Variants in TLE4 observed in about 807,000 individuals in gnomAD.
TLE4 encodes TLE family member 4, transcriptional corepressor, also known as transducin-like enhancer protein 4.
In TLE4, 8 loss-of-function variants were observed where a neutral mutation model predicts 92.8. That is an observed-to-expected ratio of 0.09 (90% CI 0.05 to 0.16). TLE4 has a LOEUF of 0.16. Ranked by LOEUF, TLE4 falls within the 10% of genes least tolerant of loss-of-function variation. The probability of loss-of-function intolerance (pLI) is 1.00; values close to 1 mark genes in which losing one functional copy is unlikely to be tolerated. For missense variants in TLE4, 675 were observed against 997.6 expected (o/e 0.68, Z 4.36); for synonymous variants, 371 against 374.1 (o/e 0.99, Z 0.10).
intron 4 of TLE4, among the ~76,000 whole-genome samples, chr9:79,593,977 T>C (rs549886893): frequency 6.6e-6 from 1 of 152,212 alleles, no homozygotes; most frequent in Non-Finnish European, 1.5e-5. Context: ...GTAAATTATT[T>C]AACTTTTCTG....
At chr9:79,589,097 A>G (rs2041920497) in intron 4 of TLE4, among the ~76,000 whole-genome samples, 1 of 152,180 alleles carries the variant, frequency 6.6e-6, no homozygotes, top group African/African-American at 2.4e-5. Context: ...TACAACAAAG[A>G]CTTAGCTGGC....
intron 10 of TLE4, 66 bp from the exon 11 acceptor site, chr9:79,706,681 C>T: frequency 6.5e-7 from 1 of 1,545,796 alleles, no homozygotes; most frequent in East Asian, 2.3e-5. Flanking sequence ...GAAATGTCCA[C>T]ACCCAACAAC....
chr9:79,608,686 T>A (rs2132932130), intron 4 of TLE4, among the ~76,000 whole-genome samples: 1 of 152,186 alleles, frequency 6.6e-6, no homozygotes, highest in Non-Finnish European at 1.5e-5. Context: ...AATGGTTTCC[T>A]AATAACGCTT....
rs2076314474 is a variant in TLE4, at chr9:79,725,657, GTGT to G, written c.*518_*520del. 9.6e-6 allele frequency: 1 copy of G among 104,054 alleles called. No individual in the cohort carries two copies. The highest frequency in any genetic ancestry group is 4.0e-4 in the South Asian group (1 of 2,494). The allele number at this position is 104,054 out of a possible 1,614,324, so 6.4% of individuals were successfully genotyped here. ...TTACACATGGAAGCAATATGTTGCT[GTGT>G]TGTTATTAGGTTTTTTTTGTTTTTG... On this transcript the variant is annotated 3_prime_UTR_variant, in exon 20 of 20. Coordinates refer to ENST00000376552, the MANE Select transcript of TLE4 (RefSeq NM_007005.6).
intron 7 of TLE4, 84 bp downstream of exon 7, chr9:79,652,878 T>C: frequency 7.1e-7 from 1 of 1,416,186 alleles, no homozygotes; most frequent in South Asian, 1.2e-5. Context: ...TTATTCTCTC[T>C]GAATTTAGTT....
At position 79,606,187 on chromosome 9, in the gene TLE4, G is replaced by GTTTTTTTTTTTTTTTT. The variant is rs71364420; in HGVS notation, c.253-6446_253-6431dup. 2.0e-3 allele frequency among the ~76,000 whole-genome samples: 57 copies of GTTTTTTTTTTTTTTTT among 28,710 alleles called. 23 individuals are homozygous for GTTTTTTTTTTTTTTTT. The highest frequency in any genetic ancestry group is 2.6e-3 in the Non-Finnish European group (40 of 15,502). 18.8% of individuals were successfully genotyped at this position (28,710 alleles called of 152,430 possible). ...ATTGCTTTATTAAGCAGTAGTAGTT[G>GTTTTTTTTTTTTTTTT]TTTTTTTTTTTTTTTTTTTTTTTTT... On this transcript the variant is annotated intron_variant, in intron 4 of 19. Transcript: ENST00000376552.
rs2037238314 is a variant in TLE4 at position 79,574,930 on chromosome 9, T to C, written c.201T>C (p.Tyr67=). Residue 67 remains tyrosine, a synonymous_variant, in exon 3 of 20, where the codon TAT becomes TAC. Coordinates refer to ENST00000376552, the MANE Select transcript of TLE4 (RefSeq NM_007005.6). ...ASEKTEMQRH[Y]VMYYEMSYGL... Reference sequence around the variant, plus strand: ...AGAAGACAGAGATGCAGCGGCATTATGTCATGGTAAGAAAACCATGTCACA... The same window carrying C: ...AGAAGACAGAGATGCAGCGGCATTACGTCATGGTAAGAAAACCATGTCACA... The C allele has an allele frequency of 7.4e-6, 12 of 1,613,472 alleles. No individual in the cohort carries two copies. The highest frequency in any genetic ancestry group is 2.2e-5 in the East Asian group (1 of 44,848).
intron 5 of TLE4, among the ~76,000 whole-genome samples, chr9:79,625,574 T>G (rs553036937): frequency 6.6e-5 from 10 of 152,138 alleles, no homozygotes; most frequent in African/African-American, 2.4e-4. Flanking sequence ...CTTTTTTTTT[T>G]GTTTTCCAAG....
chr9:79,590,516 C>G lies in TLE4; in HGVS notation c.252+14339C>G, dbSNP rs1016878054. Among the ~76,000 whole-genome samples the G allele has an allele frequency of 4.9e-4, 74 of 152,144 alleles. 1 individual carries two copies. The highest frequency in any genetic ancestry group is 1.7e-3 in the African/African-American group (70 of 41,402). On this transcript the variant is annotated intron_variant, in intron 4 of 19. Coordinates refer to ENST00000376552, the MANE Select transcript of TLE4 (RefSeq NM_007005.6). Reference sequence around the variant, plus strand: ...TGCGGCAGGCAAAGTACATTATGTACAAAAACCTTCCTTTTGTAATATGGG... The same window carrying G: ...TGCGGCAGGCAAAGTACATTATGTAGAAAAACCTTCCTTTTGTAATATGGG...
intron 8 of TLE4, among the ~76,000 whole-genome samples, chr9:79,666,305 G>A (rs1020655017): frequency 2.0e-5 from 3 of 147,544 alleles, no homozygotes; most frequent in Non-Finnish European, 3.0e-5. Context: ...TCGGCTCACT[G>A]CAATCTCTGT....
At chr9:79,666,518 CGTGAG>C (rs1261284906) in intron 8 of TLE4, among the ~76,000 whole-genome samples, 1 of 152,152 alleles carries the variant, frequency 6.6e-6, no homozygotes, top group African/African-American at 2.4e-5. Context: ...GGATTACAGG[CGTGAG>C]CCATCACGCC....
chr9:79,573,867 C>T (rs1048861827), intron 2 of TLE4, 81 bp downstream of exon 2: 1 of 1,053,314 alleles, frequency 9.5e-7, no homozygotes, highest in East Asian at 3.0e-5. Context: ...ACTTACCCTC[C>T]TCCTTTTTTG....
At chr9:79,592,183 C>CTTCTTCTTCT (rs1564202590) in intron 4 of TLE4, among the ~76,000 whole-genome samples, 2 of 135,284 alleles carry the variant, frequency 1.5e-5, no homozygotes, top group African/African-American at 2.9e-5. Flanking sequence ...CTTCCTCTTC[C>CTTCTTCTTCT]TCTTCTTCTT....
In TLE4 at chr9:79,721,907, G is replaced by A. The variant is rs561537869; in HGVS notation, c.1986+19G>A. 2 of 1,602,488 alleles carry A rather than the reference G, an allele frequency of 1.2e-6. 1 individual carries two copies. The highest frequency in any genetic ancestry group is 2.2e-5 in the South Asian group (2 of 89,414). Reference sequence around the variant, plus strand: ...CTCCCAGGTATGATCCGTGGCTGAGGCATTTTAAAGATACGGTTTTAGGCT... The same window carrying A: ...CTCCCAGGTATGATCCGTGGCTGAGACATTTTAAAGATACGGTTTTAGGCT... On this transcript the variant is annotated intron_variant, in intron 17 of 19. Transcript: ENST00000376552.
chr9:79,579,798 A>G (rs2131985172), intron 4 of TLE4, among the ~76,000 whole-genome samples: 1 of 152,304 alleles, frequency 6.6e-6, no homozygotes, highest in South Asian at 2.1e-4. Context: ...TATTAATTGA[A>G]TAGAAATGAA....
At position 79,665,254 on chromosome 9, in the gene TLE4, C is replaced by T. The variant is rs778354026; in HGVS notation, c.609+11179C>T. ...AAACCTGTTGGTATTGACAGATGAA[C>T]TTGCAGTCCAAATAAAATATTTAAA... is the stretch of plus-strand genomic sequence containing the variant. On this transcript the variant is annotated intron_variant, in intron 8 of 19. Transcript: ENST00000376552. Among the ~76,000 whole-genome samples the T allele has an allele frequency of 3.3e-5, 5 of 152,154 alleles. No individual in the cohort carries two copies. In the East Asian group the frequency reaches 5.8e-4, roughly 18 times the overall value.
chr9:79,589,004 T>A (rs1043271394), intron 4 of TLE4, among the ~76,000 whole-genome samples: 5 of 152,176 alleles, frequency 3.3e-5, no homozygotes, highest in African/African-American at 1.2e-4. Context: ...TATTTGGGGT[T>A]GTCACAACTT....
intron 8 of TLE4, among the ~76,000 whole-genome samples, chr9:79,673,687 G>A (rs1290876302): frequency 6.6e-6 from 1 of 151,996 alleles, no homozygotes; most frequent in African/African-American, 2.4e-5. Flanking sequence ...AGTTTTTCTT[G>A]CATTTAACAG....
At chr9:79,592,879 C>G (rs72732291) in intron 4 of TLE4, among the ~76,000 whole-genome samples, 7,635 of 152,204 alleles carry the variant, frequency 0.05, 273 homozygotes, top group Non-Finnish European at 0.077. Context: ...CAATAATTGT[C>G]TTGGGCAACT....
Sources: gnomAD v4.1 joint callset for allele counts (sites outside exome capture counted in the v4.1 genomes callset) on GRCh38, gnomAD v4.1.1 for gene constraint, MANE v1.5 for transcripts, NCBI Gene and HGNC (gene_info 2026-07-23, HGNC 2026-07-21) for gene names.